RNF125: variants seen among roughly 807,000 people sequenced by gnomAD.
RNF125 encodes ring finger protein 125, also known as E3 ubiquitin-protein ligase RNF125.
Under a neutral mutation model 26.0 loss-of-function variants are expected in RNF125, and 21 were observed. The observed-to-expected ratio is 0.81, with a 90% CI of 0.57 to 1.16. The LOEUF (loss-of-function observed/expected upper bound fraction) is 1.16, where lower values mean the gene tolerates loss of function less well. Among genes scored for constraint, RNF125 ranks in the 50% most tolerant of loss-of-function variants. RNF125 has a pLI of 0.00. For missense variants in RNF125, 270 were observed against 299.4 expected (o/e 0.90, Z 0.72); for synonymous variants, 95 against 109.2 (o/e 0.87, Z 0.81).
intron 4 of RNF125, among the ~76,000 whole-genome samples, chr18:32,058,540 T>C (rs879639827): frequency 1.1e-4 from 17 of 152,072 alleles, no homozygotes; most frequent in Admixed American, 3.3e-4. Flanking sequence ...GAGACAGGGT[T>C]TCACCACGTT....
At chr18:32,044,563 T>TG (rs2039250193) in intron 3 of RNF125, among the ~76,000 whole-genome samples, 1 of 151,612 alleles carries the variant, frequency 6.6e-6, no homozygotes, top group South Asian at 2.1e-4. Flanking sequence ...TTTTTTGAGA[T>TG]AGAGTTTCAC....
chr18:32,037,345 C>T, intron 2 of RNF125, 76 bp downstream of exon 2: 1 of 670,800 alleles, frequency 1.5e-6, no homozygotes, highest in Non-Finnish European at 2.4e-6. Context: ...ACCTCTGCTT[C>T]TGACCCCATG....
At chr18:32,046,908 A>C (rs976268103) in intron 4 of RNF125, among the ~76,000 whole-genome samples, 1 of 151,356 alleles carries the variant, frequency 6.6e-6, no homozygotes, top group Non-Finnish European at 1.5e-5. Flanking sequence ...TATTTTTTTG[A>C]GACAGGCCAT....
chr18:32,050,865 C>CTGTTT (rs2039318305), intron 4 of RNF125, among the ~76,000 whole-genome samples: 1 of 46,328 alleles, frequency 2.2e-5, no homozygotes, highest in Admixed American at 3.7e-4. Flanking sequence ...GTCTAGAGTG[C>CTGTTT]TTTTTTTTTT....
Position 32,068,597 on chromosome 18 carries a change from C to A in RNF125, c.*213C>A. On this transcript the variant is annotated 3_prime_UTR_variant, in exon 6 of 6. Transcript: ENST00000217740. Reference sequence around the variant, plus strand: ...ATCCTTGAGATTCTTACACATCTAACAACAAAAAAAATTATCTACATCAGT... The same window carrying A: ...ATCCTTGAGATTCTTACACATCTAAAAACAAAAAAAATTATCTACATCAGT... 9.3e-6 allele frequency: 4 copies of A among 432,378 alleles called. No individual in the cohort carries two copies. Among genetic ancestry groups the A allele is most frequent in the African/African-American group, 2.0e-5 (1 of 49,160 alleles). The allele number at this position is 432,378 out of a possible 1,614,324, so 26.8% of individuals were successfully genotyped here.
chr18:32,044,246 C>T (rs1032201995), intron 3 of RNF125, among the ~76,000 whole-genome samples: 1 of 152,128 alleles, frequency 6.6e-6, no homozygotes, highest in Non-Finnish European at 1.5e-5. Flanking sequence ...ACCTCGTGAT[C>T]CACCCGTCTC....
chr18:32,085,948 G>A, the RNF125 span, among the ~76,000 whole-genome samples: 1 of 152,114 alleles, frequency 6.6e-6, no homozygotes, highest in Non-Finnish European at 1.5e-5. Context: ...AATAACCAAA[G>A]AACCCACTGA....
At chr18:32,082,564 T>C in the RNF125 span, among the ~76,000 whole-genome samples, 2 of 152,168 alleles carry the variant, frequency 1.3e-5, no homozygotes, top group African/African-American at 4.8e-5. Flanking sequence ...ATATAAAGTT[T>C]GTCAAACAGA....
Position 32,034,036 on chromosome 18 carries a change from C to T in RNF125, c.165-3080C>T, listed in dbSNP as rs1341408116. On this transcript the variant is annotated intron_variant, in intron 1 of 5. Coordinates refer to ENST00000217740, the MANE Select transcript of RNF125 (RefSeq NM_017831.4). The stretch of plus-strand genomic sequence containing the variant: ...ACTTGATAAAAAATAGTATTTCAAA[C>T]TGTACAGTCACCACAAGTACATAGT... 3.9e-5 allele frequency among the ~76,000 whole-genome samples: 6 copies of T among 151,990 alleles called. No homozygotes were observed. In the East Asian group the frequency reaches 9.7e-4, roughly 24 times the overall value.
downstream of RNF125, among the ~76,000 whole-genome samples, chr18:32,078,154 G>C (rs1317136996): frequency 1.3e-5 from 2 of 152,086 alleles, no homozygotes; most frequent in Admixed American, 6.6e-5. Flanking sequence ...CCCCATGAAA[G>C]GATGATATGG....
rs35616121 is a variant in RNF125 at position 32,054,086 on chromosome 18, CTTTTTT to C, written c.504+8373_504+8378del. On this transcript the variant is annotated intron_variant, in intron 4 of 5. Transcript: ENST00000217740. ...GATCATGCCTGTGAAGACATTTGTA[CTTTTTT>C]TTTTTTTTTTTTTTTTTTGAGACAG... 9.1e-5 allele frequency among the ~76,000 whole-genome samples: 8 copies of C among 88,360 alleles called. No homozygotes were observed. In the East Asian group the frequency reaches 1.2e-3, roughly 13 times the overall value. 58.0% of individuals were successfully genotyped at this position (88,360 alleles called of 152,430 possible).
intron 4 of RNF125, among the ~76,000 whole-genome samples, chr18:32,062,659 CATT>C (rs2039445502): frequency 6.6e-6 from 1 of 152,042 alleles, no homozygotes; most frequent in South Asian, 2.1e-4. Context: ...TAAAGAAAAA[CATT>C]ATCACCCAAG....
chr18:32,037,415 A>G (rs1028623536), intron 2 of RNF125, 146 bp downstream of exon 2: 2 of 473,376 alleles, frequency 4.2e-6, no homozygotes, highest in Non-Finnish European at 6.7e-6. Context: ...TCTTTCACCC[A>G]GGTTGGAGTG....
At chr18:32,061,235 A>T (rs567954628) in intron 4 of RNF125, among the ~76,000 whole-genome samples, 2 of 152,150 alleles carry the variant, frequency 1.3e-5, no homozygotes, top group African/African-American at 2.4e-5. Flanking sequence ...CGTGTTAGCC[A>T]GGATGGTGTC....
At chr18:32,055,188 A>G (rs60284836) in intron 4 of RNF125, among the ~76,000 whole-genome samples, 12,446 of 151,732 alleles carry the variant, frequency 0.082, 1,668 homozygotes, top group African/African-American at 0.28. Context: ...AATCCCAGCT[A>G]CTAGGGAGGC....
rs12709654 is a variant in RNF125 at position 32,069,992 on chromosome 18, G to A, written c.*1608G>A. 14,830 of 151,148 alleles carry A rather than the reference G, an allele frequency of 0.098. 808 individuals are homozygous for A. The highest frequency in any genetic ancestry group is 0.12 in the Non-Finnish European group (8,265 of 67,840). The allele number at this position is 151,148 out of a possible 1,614,324, so 9.4% of individuals were successfully genotyped here. On this transcript the variant is annotated 3_prime_UTR_variant, in exon 6 of 6. Transcript: ENST00000217740. ...GTCCTTTGGCAAGACTGTAAATCAC[G>A]GTGTCTTTCTTTCCTTCCTCCTTCT...
At chr18:32,033,650 G>A (rs1432132022) in intron 1 of RNF125, among the ~76,000 whole-genome samples, 3 of 151,848 alleles carry the variant, frequency 2.0e-5, no homozygotes, top group African/African-American at 2.4e-5. Flanking sequence ...GAGAAAACCC[G>A]TCTCTACTAA....
intron 2 of RNF125, 79 bp downstream of exon 2, chr18:32,037,348 A>G: frequency 3.6e-6 from 2 of 561,732 alleles, no homozygotes; most frequent in Admixed American, 7.5e-5. Flanking sequence ...TCTGCTTCTG[A>G]CCCCATGGTA....
intron 1 of RNF125, among the ~76,000 whole-genome samples, chr18:32,030,304 A>G (rs1015764069): frequency 6.6e-6 from 1 of 152,136 alleles, no homozygotes; most frequent in Admixed American, 6.6e-5. Context: ...CTCCCTCCCA[A>G]AGTGCTGGGA....
Sources: gnomAD v4.1 joint callset for allele counts (sites outside exome capture counted in the v4.1 genomes callset) on GRCh38, gnomAD v4.1.1 for gene constraint, MANE v1.5 for transcripts, NCBI Gene and HGNC (gene_info 2026-07-23, HGNC 2026-07-21) for gene names.